Variants in TESPA1 observed in about 807,000 individuals in gnomAD.
The protein encoded by TESPA1 is thymocyte expressed, positive selection associated 1, also known as protein TESPA1.
TESPA1 carries 33 observed loss-of-function variants against 57.9 expected under a neutral mutation model. The observed-to-expected ratio is 0.57, with a 90% CI of 0.43 to 0.76. The LOEUF is 0.76. TESPA1 is among the 30% of genes least tolerant of loss of function. The pLI, the probability that TESPA1 is intolerant of heterozygous loss-of-function variation, is 0.00. For synonymous variants in TESPA1, 227 were observed against 228.9 expected, an observed-to-expected ratio of 0.99 and a Z score of 0.07; for missense variants, 618 against 632.9, an observed-to-expected ratio of 0.98 and a Z score of 0.25.
In TESPA1 at chr12:54,972,338, A is replaced by C. The variant is rs111632997; in HGVS notation, c.206+1139T>G. ...TACTTGGCACCCCTCTAGGTTATTC[A>C]GATAATCAGACAGTTAGCAAAAGCG... On this transcript the variant is annotated intron_variant, in intron 3 of 10. Transcript: ENST00000449076. 2.9e-3 allele frequency among the ~76,000 whole-genome samples: 439 copies of C among 152,374 alleles called. 1 individual carries two copies. Among genetic ancestry groups the C allele is most frequent in the African/African-American group, 9.1e-3 (377 of 41,594 alleles).
At chr12:54,963,316 C>T (rs984873278) in intron 8 of TESPA1, 74 bp from the exon 9 acceptor site, 3 of 1,384,488 alleles carry the variant, frequency 2.2e-6, no homozygotes, top group Non-Finnish European at 2.9e-6. Flanking sequence ...CTTCAGGAGG[C>T]TCCCCAAAGC....
intron 4 of TESPA1, 130 bp from the exon 5 acceptor site, chr12:54,967,366 T>C (rs1951508504): frequency 5.1e-6 from 5 of 985,620 alleles, no homozygotes; most frequent in Non-Finnish European, 7.6e-6. Context: ...ATAATCATAC[T>C]AGATACCCAC....
intron 10 of TESPA1, among the ~76,000 whole-genome samples, chr12:54,951,191 G>C (rs2136003943): frequency 6.6e-6 from 1 of 152,312 alleles, no homozygotes; most frequent in East Asian, 1.9e-4. Flanking sequence ...CCCCCTTGCT[G>C]TTCTCATGAC....
rs1950178757 is a variant in TESPA1, at chr12:54,948,042, C to T, written c.*2350G>A. 1 of 152,200 alleles carries T rather than the reference C, an allele frequency of 6.6e-6. No homozygotes were observed. Among genetic ancestry groups the T allele is most frequent in the African/African-American group, 2.4e-5 (1 of 41,422 alleles). 9.4% of individuals were successfully genotyped at this position (152,200 alleles called of 1,614,324 possible). ...TGTGTGAGCAATAAAGCTTTTTAAT[C>T]ACCTGGGTGCAGGCAGGCTGAGTCC... On this transcript the variant is annotated 3_prime_UTR_variant, in exon 11 of 11. Transcript: ENST00000449076.
chr12:54,964,343 G>C (rs1440779931), intron 7 of TESPA1, among the ~76,000 whole-genome samples: 1 of 152,202 alleles, frequency 6.6e-6, no homozygotes, highest in East Asian at 1.9e-4. Context: ...GTTGTTGCGT[G>C]GGACAACTAA....
chr12:54,975,474 A>G (rs967920337), intron 1 of TESPA1, among the ~76,000 whole-genome samples: 2 of 152,102 alleles, frequency 1.3e-5, no homozygotes, highest in Non-Finnish European at 2.9e-5. Context: ...GAATCATTCA[A>G]TTGTCCAAAT....
At chr12:54,983,228 A>T (rs1000457321) in intron 1 of TESPA1, among the ~76,000 whole-genome samples, 1 of 152,200 alleles carries the variant, frequency 6.6e-6, no homozygotes, top group Non-Finnish European at 1.5e-5. Flanking sequence ...CAAAAAACCC[A>T]AGAGTTATGA....
At chr12:54,959,031 T>C (rs1207045580) in intron 10 of TESPA1, among the ~76,000 whole-genome samples, 2 of 152,256 alleles carry the variant, frequency 1.3e-5, no homozygotes, top group Admixed American at 1.3e-4. Flanking sequence ...AACCTGTTTT[T>C]GCCTTTTACT....
chr12:54,966,902 G>A (rs896799092), intron 5 of TESPA1, among the ~76,000 whole-genome samples: 19 of 152,262 alleles, frequency 1.2e-4, no homozygotes, highest in Non-Finnish European at 2.2e-4. Context: ...TATCTGGGCA[G>A]CAAACATTAT....
At chr12:54,971,509 G>T (rs1951829053) in intron 3 of TESPA1, among the ~76,000 whole-genome samples, 1 of 152,162 alleles carries the variant, frequency 6.6e-6, no homozygotes, top group African/African-American at 2.4e-5. Context: ...ATTGGAAAAT[G>T]TTCTGACTCC....
intron 2 of TESPA1, chr12:54,973,769 C>T: frequency 7.9e-7 from 1 of 1,260,768 alleles, no homozygotes; most frequent in Non-Finnish European, 1.0e-6. Context: ...GTCAGGCCCA[C>T]TGCTGTCTTT....
intron 10 of TESPA1, among the ~76,000 whole-genome samples, chr12:54,952,983 T>A (rs1950490237): frequency 6.6e-6 from 1 of 152,154 alleles, no homozygotes; most frequent in South Asian, 2.1e-4. Context: ...TTAGATATTT[T>A]ACCTCCTGAA....
chr12:54,950,669 G>A (rs1394400092), intron 10 of TESPA1, among the ~76,000 whole-genome samples: 2 of 152,182 alleles, frequency 1.3e-5, no homozygotes, highest in South Asian at 2.1e-4. Context: ...GCTGAACACT[G>A]TTGGAGAATA....
At chr12:54,953,522 C>CTTTTTTTTTTT (rs1178610425) in intron 10 of TESPA1, among the ~76,000 whole-genome samples, 3,136 of 134,820 alleles carry the variant, frequency 0.023, 273 homozygotes, top group East Asian at 0.16. Context: ...TTTTTATTTA[C>CTTTTTTTTTTT]TTTTTTTTTT....
chr12:54,953,937 T>C (rs1032240215), intron 10 of TESPA1, among the ~76,000 whole-genome samples: 6 of 152,248 alleles, frequency 3.9e-5, no homozygotes, highest in African/African-American at 1.4e-4. Flanking sequence ...ACTGATTCTC[T>C]TGTCATGTTT....
At chr12:54,967,705 T>C (rs894782434) in intron 4 of TESPA1, 138 bp downstream of exon 4, 5 of 1,032,154 alleles carry the variant, frequency 4.8e-6, no homozygotes, top group Middle Eastern at 2.3e-4. Context: ...AATAGTGTTT[T>C]GCAGCCAGTT....
chr12:54,962,941 C>G lies in TESPA1; in HGVS notation c.957G>C (p.Val319=). 1 of 1,613,808 alleles carries G rather than the reference C, an allele frequency of 6.2e-7. No individual in the cohort carries two copies. The highest frequency in any genetic ancestry group is 1.6e-4 in the Middle Eastern group (1 of 6,062). ...GCTTCTCTTCTTTCACTTTGTCCATCACTTCCAACACAACTTGGTCCAAAC... is the reference window on the plus strand; with the variant it reads ...GCTTCTCTTCTTTCACTTTGTCCATGACTTCCAACACAACTTGGTCCAAAC... ...RNSLDQVVLE[V]MDKVKEEKQF... The change falls in exon 9 of 11, where the codon GTG becomes GTC. Residue 319 remains valine (V), a synonymous_variant. Coordinates refer to ENST00000449076, the MANE Select transcript of TESPA1 (RefSeq NM_001136030.3).
intron 10 of TESPA1, among the ~76,000 whole-genome samples, chr12:54,956,725 T>C (rs1232335576): frequency 1.3e-5 from 2 of 152,178 alleles, no homozygotes; most frequent in Admixed American, 6.5e-5. Flanking sequence ...ATAACGGCAA[T>C]TTTTAAAGAA....
intron 10 of TESPA1, among the ~76,000 whole-genome samples, chr12:54,955,167 T>G (rs1235972964): frequency 6.6e-6 from 1 of 152,238 alleles, no homozygotes; most frequent in Non-Finnish European, 1.5e-5. Context: ...GATTTGCATT[T>G]TCTTGATGAT....
Sources: allele counts gnomAD v4.1 joint callset (sites outside exome capture counted in the v4.1 genomes callset), GRCh38; gene constraint gnomAD v4.1.1; transcripts MANE v1.5; gene names NCBI Gene and HGNC (gene_info 2026-07-23, HGNC 2026-07-21).